The following SACS variants were observed in gnomAD, a reference collection of about 807,000 sequenced individuals.
SACS encodes sacsin molecular chaperone.
A neutral mutation model predicts 348.0 loss-of-function variants in SACS; 197 were observed. That is an observed-to-expected ratio of 0.57 (90% confidence interval 0.50 to 0.64). The LOEUF (loss-of-function observed/expected upper bound fraction) is 0.64. Among genes scored for constraint, SACS ranks in the 30% least tolerant of loss-of-function variants. SACS has a pLI of 0.00. For synonymous variants in SACS, 1,985 were observed against 1,910.6 expected, an observed-to-expected ratio of 1.04 and a Z score of -1.02; for missense variants, 4,999 against 5,360.8, an observed-to-expected ratio of 0.93 and a Z score of 2.11.
chr13:23,370,521 A>G (rs959911694), intron 4 of SACS, among the ~76,000 whole-genome samples: 1 of 152,202 alleles, frequency 6.6e-6, no homozygotes, highest in Non-Finnish European at 1.5e-5. Context: ...ACAACACAGT[A>G]TTGTTATTCA....
intron 2 of SACS, among the ~76,000 whole-genome samples, chr13:23,389,213 G>GTA (rs1327586569): frequency 1.3e-5 from 2 of 151,914 alleles, no homozygotes; most frequent in African/African-American, 2.4e-5. Flanking sequence ...TATAGCCTGT[G>GTA]TATATATATA....
chr13:23,330,144 T>A lies in SACS; in HGVS notation c.13732A>T (p.Lys4578Ter), dbSNP rs916523887. 7 of 1,613,626 alleles carry A rather than the reference T, an allele frequency of 4.3e-6. No homozygotes were observed. The African/African-American group carries it at 9.3e-5, about 22-fold the overall frequency. ...TTTTTCGTTAAATATCTTCACACTTTTTGTTGCATAAAATTTTCAAGTTTT... is the reference window on the plus strand; with the variant it reads ...TTTTTCGTTAAATATCTTCACACTTATTGTTGCATAAAATTTTCAAGTTTT... The part of the protein sequence containing the change: ...IIKLENFMQQ[K>*]V Residue 4578 changes from lysine to a stop codon, truncating the protein, a stop_gained, in exon 10 of 10, where the codon AAA (lysine) becomes TAA (stop). Coordinates refer to ENST00000382292, the MANE Select transcript of SACS (RefSeq NM_014363.6). LOFTEE classifies it high-confidence loss of function.
rs754599838 is a variant in SACS at position 23,355,747 on chromosome 13, T to C, written c.865A>G (p.Lys289Glu). The part of the protein sequence containing the change: ...PSQLSSNLYN[K>E]QKVLELFESF... ...TCAAACAACTCAAGAACCTTCTGCTTATTGTAGAGGTTACTACTAAGTTGT... is the reference window on the plus strand; with the variant it reads ...TCAAACAACTCAAGAACCTTCTGCTCATTGTAGAGGTTACTACTAAGTTGT... Residue 289 changes from lysine (K) to glutamate (E), a missense_variant, in exon 8 of 10, where the codon AAG becomes GAG. By Grantham distance (56) the Lys-to-Glu change is moderately conservative. This residue lies in a region of SACS where 3,156 missense variants were observed against 3,380.1 expected (regional missense o/e 0.93). Coordinates refer to ENST00000382292, the MANE Select transcript of SACS (RefSeq NM_014363.6). 1 of 1,614,200 alleles carries C rather than the reference T, an allele frequency of 6.2e-7. No individual in the cohort carries two copies. Among genetic ancestry groups the C allele is most frequent in the Admixed American group, 1.7e-5 (1 of 60,030 alleles).
At chr13:23,350,298 A>T (rs2137688869) in intron 9 of SACS, among the ~76,000 whole-genome samples, 1 of 152,348 alleles carries the variant, frequency 6.6e-6, no homozygotes, top group South Asian at 2.1e-4. Context: ...AGACAATAAG[A>T]CAACTCTTTC....
chr13:23,338,425 C>G lies in SACS; in HGVS notation c.5451G>C (p.Thr1817=), dbSNP rs1255397727. The change falls in exon 10 of 10, where the codon ACG becomes ACC. Residue 1817 remains threonine (T), a synonymous_variant. Coordinates refer to ENST00000382292, the MANE Select transcript of SACS (RefSeq NM_014363.6). ...ELSQKTVECT[T]WLLCTCMDTG... is the part of the protein sequence containing the mutation. ...TGTCCATGCAAGTACACAGAAGCCACGTGGTACACTCTACTGTTTTCTGTG... is the reference window on the plus strand; with the variant it reads ...TGTCCATGCAAGTACACAGAAGCCAGGTGGTACACTCTACTGTTTTCTGTG... 6.2e-7 allele frequency: 1 copy of G among 1,614,114 alleles called. No homozygotes were observed.
chr13:23,332,746 T>A lies in SACS; in HGVS notation c.11130A>T (p.Lys3710Asn). ...LWTSCPILPEKATPLSIKEQE... is the reference protein window; with the variant it reads ...LWTSCPILPENATPLSIKEQE... The stretch of plus-strand genomic sequence containing the variant: ...GTTCTTTAATGCTTAAGGGTGTAGC[T>A]TTCTCTGGAAGAATAGGGCAGGATG... The change falls in exon 10 of 10, where the codon AAA (lysine) becomes AAT (asparagine). Residue 3710 changes from lysine (K) to asparagine (N), a missense_variant. Physicochemically the swap from Lys to Asn is moderately conservative, Grantham distance 94 (BLOSUM62 0). Coordinates refer to ENST00000382292, the MANE Select transcript of SACS (RefSeq NM_014363.6). 6.2e-7 allele frequency: 1 copy of A among 1,614,052 alleles called. No homozygotes were observed. Among genetic ancestry groups the A allele is most frequent in the Non-Finnish European group, 8.5e-7 (1 of 1,179,974 alleles).
Position 23,355,513 on chromosome 13 carries a change from T to C in SACS, c.1099A>G (p.Asn367Asp), listed in dbSNP as rs751429809. 2 of 1,614,170 alleles carry C rather than the reference T, an allele frequency of 1.2e-6. No homozygotes were observed. The highest frequency in any genetic ancestry group is 2.2e-5 in the South Asian group (2 of 91,082). ...SNYCKKTPSN[N>D]ITCVTYHVNI... ...ACGTGATATGTTACACAGGTGATGT[T>C]ATTGCTTGGAGTCTTTTTACAATAG... is the stretch of plus-strand genomic sequence containing the variant. Residue 367 changes from asparagine to aspartate, a missense_variant, in exon 8 of 10, where the codon AAC becomes GAC. Around this residue, in one of 6 missense-constraint regions of SACS, gnomAD observed 3,156 missense variants for 3,380.1 expected, o/e 0.93. Coordinates refer to ENST00000382292, the MANE Select transcript of SACS (RefSeq NM_014363.6).
chr13:23,341,705 C>G lies in SACS; in HGVS notation c.2186-15G>C. 6.2e-7 allele frequency: 1 copy of G among 1,601,224 alleles called. No homozygotes were observed. Among genetic ancestry groups the G allele is most frequent in the Middle Eastern group, 1.7e-4 (1 of 6,020 alleles). On this transcript the variant is annotated splice_polypyrimidine_tract_variant and intron_variant, in intron 9 of 9. Coordinates refer to ENST00000382292, the MANE Select transcript of SACS (RefSeq NM_014363.6). ...ACATGGTCTTCCTGTAAATCATACA[C>G]AGAAATGTCATAAATACATATAATT...
In SACS at chr13:23,396,185, G is replaced by A. The variant is rs150738307; in HGVS notation, c.20+15035C>T. ...CTAAAAACACAAAAATTAGCCAAAC[G>A]TGGTGGCAGGCACCTGTAACCCCAG... is the stretch of plus-strand genomic sequence containing the variant. On this transcript the variant is annotated intron_variant, in intron 2 of 9. Transcript: ENST00000382292. 9.5e-3 allele frequency among the ~76,000 whole-genome samples: 1,440 copies of A among 152,116 alleles called. 15 individuals are homozygous for A. The highest frequency in any genetic ancestry group is 0.013 in the Non-Finnish European group (897 of 68,010).
chr13:23,341,001 C>G lies in SACS; in HGVS notation c.2875G>C (p.Asp959His). 1 of 1,614,132 alleles carries G rather than the reference C, an allele frequency of 6.2e-7. No homozygotes were observed. Among genetic ancestry groups the G allele is most frequent in the East Asian group, 2.2e-5 (1 of 44,868 alleles). Residue 959 changes from aspartate (D) to histidine (H), a missense_variant, in exon 10 of 10, where the codon GAT (aspartate) becomes CAT (histidine). Asp to His is a moderately conservative substitution (Grantham distance 81, BLOSUM62 -1). Around this residue, in one of 6 missense-constraint regions of SACS, gnomAD observed 3,156 missense variants for 3,380.1 expected, o/e 0.93. Transcript: ENST00000382292. ...ATTACTGAAATAGAAAGTCGCAGAT[C>G]TGCTGGGAGTTTGGCAGTATGGTGT... is the stretch of plus-strand genomic sequence containing the variant. ...VLHHTAKLPA[D>H]LRLSISVIDS... is the part of the protein sequence containing the mutation.
At chr13:23,425,254 C>CAGAT (rs1436961639) in intron 1 of SACS, among the ~76,000 whole-genome samples, 1 of 151,682 alleles carries the variant, frequency 6.6e-6, no homozygotes, top group African/African-American at 2.4e-5. Context: ...ACCTGACATA[C>CAGAT]AGATGCCCGA....
chr13:23,419,614 G>A (rs943846752), intron 1 of SACS, among the ~76,000 whole-genome samples: 1 of 151,908 alleles, frequency 6.6e-6, no homozygotes, highest in Non-Finnish European at 1.5e-5. Context: ...TGCAATTTCG[G>A]GTCCCACATT....
chr13:23,414,891 G>A (rs1487722020), intron 1 of SACS, among the ~76,000 whole-genome samples: 1 of 152,152 alleles, frequency 6.6e-6, no homozygotes, highest in Non-Finnish European at 1.5e-5. Context: ...CATTAATAAG[G>A]GGGAAGTGGG....
rs1593128652 is a variant in SACS, at chr13:23,337,441, C to G, written c.6435G>C (p.Leu2145Phe). Residue 2145 changes from leucine (L) to phenylalanine (F), a missense_variant, in exon 10 of 10, where the codon TTG (leucine) becomes TTC (phenylalanine). Physicochemically the swap from Leu to Phe is conservative, Grantham distance 22 (BLOSUM62 0). Transcript: ENST00000382292. The stretch of plus-strand genomic sequence containing the variant: ...CCATACCTAACTGAACTAGTTTAAT[C>G]AAAATAATAGGATTGAGATAATCCT... ...STQDYLNPII[L>F]IKLVQLGMAK... 1 of 1,612,424 alleles carries G rather than the reference C, an allele frequency of 6.2e-7. No individual in the cohort carries two copies. Among genetic ancestry groups the G allele is most frequent in the South Asian group, 1.1e-5 (1 of 90,692 alleles).
intron 2 of SACS, among the ~76,000 whole-genome samples, chr13:23,410,555 A>G (rs1873437848): frequency 6.6e-6 from 1 of 152,216 alleles, no homozygotes; most frequent in Non-Finnish European, 1.5e-5. Flanking sequence ...TCTCTATGGC[A>G]CTAAAATTTC....
intron 2 of SACS, among the ~76,000 whole-genome samples, chr13:23,399,559 T>G (rs1045296954): frequency 2.0e-5 from 3 of 151,922 alleles, no homozygotes; most frequent in Non-Finnish European, 4.4e-5. Flanking sequence ...GCCAATTGGG[T>G]CAGTTTAGAT....
chr13:23,365,947 G>C (rs1402917495), intron 5 of SACS, among the ~76,000 whole-genome samples: 1 of 152,096 alleles, frequency 6.6e-6, no homozygotes, highest in African/African-American at 2.4e-5. Flanking sequence ...AGGGCAAACT[G>C]CAAGATTTGC....
At chr13:23,398,747 T>C (rs978659343) in intron 2 of SACS, among the ~76,000 whole-genome samples, 1 of 151,980 alleles carries the variant, frequency 6.6e-6, no homozygotes, top group African/African-American at 2.4e-5. Flanking sequence ...AAAGTTTTAT[T>C]GTGCAGAGGA....
rs746903086 is a variant in SACS at position 23,333,133 on chromosome 13, G to A, written c.10743C>T (p.Ser3581=). 1 of 1,613,270 alleles carries A rather than the reference G, an allele frequency of 6.2e-7. No homozygotes were observed. Among genetic ancestry groups the A allele is most frequent in the Non-Finnish European group, 8.5e-7 (1 of 1,179,590 alleles). ...KPKNHVTFMT[S]WVEFLRNIGL... is the part of the protein sequence containing the mutation. ...CAATATTTCTTAAGAATTCCACCCA[G>A]GATGTCATAAATGTAACATGATTTT... Residue 3581 remains serine, a synonymous_variant, in exon 10 of 10, where the codon TCC becomes TCT. Transcript: ENST00000382292.
Sources: gnomAD v4.1 joint callset for allele counts (sites outside exome capture counted in the v4.1 genomes callset) on GRCh38, gnomAD v4.1.1 for gene constraint, gnomAD v4.1.1 regional missense constraint, MANE v1.5 for transcripts, NCBI Gene and HGNC (gene_info 2026-07-23, HGNC 2026-07-21) for gene names.